Variants in ZC3H14 observed in about 807,000 individuals in gnomAD.
ZC3H14 encodes the protein zinc finger CCCH-type containing 14, also known as zinc finger CCCH domain-containing protein 14.
Under a neutral mutation model 92.4 loss-of-function variants are expected in ZC3H14, and 31 were observed. The ratio of observed to expected loss-of-function variants is 0.34; its 90% confidence interval spans 0.25 to 0.45. The LOEUF (loss-of-function observed/expected upper bound fraction) is 0.45, where lower values mean the gene tolerates loss of function less well. Among genes scored for constraint, ZC3H14 ranks in the 20% least tolerant of loss-of-function variants. ZC3H14 has a pLI of 1.00. For missense variants in ZC3H14, 781 were observed against 897.3 expected (o/e 0.87, Z 1.66); for synonymous variants, 321 against 300.9 (o/e 1.07, Z -0.69).
intron 13 of ZC3H14, chr14:88,608,556 G>C (rs2086000494): frequency 1.2e-5 from 3 of 246,820 alleles, no homozygotes; most frequent in Middle Eastern, 1.4e-3. Flanking sequence ...GGCTTTGTTT[G>C]TGCCTCGGAC....
Position 88,615,707 on chromosome 14 carries a change from C to T in ZC3H14, c.*3956C>T. The T allele has an allele frequency of 1.0e-6, 1 of 958,310 alleles. No individual in the cohort carries two copies. The highest frequency in any genetic ancestry group is 1.6e-6 in the Non-Finnish European group (1 of 636,654). The allele number at this position is 958,310 out of a possible 1,614,324, so 59.4% of individuals were successfully genotyped here. A position where few individuals can be genotyped will look rare whatever the true frequency, so the allele number is the denominator to read the frequency against. On this transcript the variant is annotated 3_prime_UTR_variant, in exon 17 of 17. Transcript: ENST00000251038. ...TATTTTGATGATTCTGGGCATTTCT[C>T]CCTGTTACAGTCTTGGGTTAGCACC...
chr14:88,626,327 A>G lies in ZC3H14; in HGVS notation c.*14576A>G. 1 of 154,074 alleles carries G rather than the reference A, an allele frequency of 6.5e-6. No individual in the cohort carries two copies. The highest frequency in any genetic ancestry group is 1.4e-5 in the Non-Finnish European group (1 of 69,094). The allele number at this position is 154,074 out of a possible 1,614,324, so 9.5% of individuals were successfully genotyped here. On this transcript the variant is annotated 3_prime_UTR_variant, in exon 17 of 17. Transcript: ENST00000251038. Reference sequence around the variant, plus strand: ...GTATAACAGTAGTCCAAGGAATCAAATGTTCATCAGAATCCTTATTATGGT... The same window carrying G: ...GTATAACAGTAGTCCAAGGAATCAAGTGTTCATCAGAATCCTTATTATGGT...
rs1228885862 is a variant in ZC3H14 at position 88,626,861 on chromosome 14, T to G, written c.*15110T>G. 6.2e-7 allele frequency: 1 copy of G among 1,613,836 alleles called. No homozygotes were observed. The highest frequency in any genetic ancestry group is 1.3e-5 in the African/African-American group (1 of 74,924). Reference sequence around the variant, plus strand: ...ACTGCACCAAATGCAATAGCGAGCATGGTCTGCATCCGGGCATCTTCCAGT... The same window carrying G: ...ACTGCACCAAATGCAATAGCGAGCAGGGTCTGCATCCGGGCATCTTCCAGT... On this transcript the variant is annotated 3_prime_UTR_variant, in exon 17 of 17. Transcript: ENST00000251038.
intron 9 of ZC3H14, among the ~76,000 whole-genome samples, chr14:88,588,954 T>TA (rs1382938326): frequency 6.6e-6 from 1 of 152,240 alleles, no homozygotes; most frequent in Non-Finnish European, 1.5e-5. Context: ...ACTTTGTGGA[T>TA]ACAGAATCAT....
intron 1 of ZC3H14, 27 bp from the exon 2 acceptor site, chr14:88,563,624 C>T (rs2079175478): frequency 1.2e-6 from 2 of 1,613,662 alleles, no homozygotes; most frequent in South Asian, 2.2e-5. Context: ...GCCTTTCTCA[C>T]ATGCACGTTT....
chr14:88,606,202 G>A (rs543120419), intron 12 of ZC3H14, among the ~76,000 whole-genome samples: 5 of 152,202 alleles, frequency 3.3e-5, no homozygotes, highest in African/African-American at 1.2e-4. Context: ...TTACAATTTC[G>A]ATGAAGGCAG....
In ZC3H14 at chr14:88,627,395, G is replaced by A. The variant is rs1166819742; in HGVS notation, c.*15644G>A. 7 of 483,476 alleles carry A rather than the reference G, an allele frequency of 1.4e-5. No homozygotes were observed. The highest frequency in any genetic ancestry group is 1.4e-4 in the East Asian group (4 of 28,468). 29.9% of individuals were successfully genotyped at this position (483,476 alleles called of 1,614,324 possible). A position where few individuals can be genotyped will look rare whatever the true frequency, so the allele number is the denominator to read the frequency against. On this transcript the variant is annotated 3_prime_UTR_variant, in exon 17 of 17. Coordinates refer to ENST00000251038, the MANE Select transcript of ZC3H14 (RefSeq NM_024824.5). ...AATAATAAATACATAGTTTCTTGCT[G>A]GAAGAAAATAGCAGTGAATCATTTA...
At position 88,577,889 on chromosome 14, in the gene ZC3H14, C is replaced by A. The variant is rs567364782; in HGVS notation, c.1124-96C>A. The A allele has an allele frequency of 1.2e-5, 18 of 1,526,696 alleles. No individual in the cohort carries two copies. In the South Asian group the frequency reaches 1.7e-4, roughly 14 times the overall value. 94.6% of individuals were successfully genotyped at this position (1,526,696 alleles called of 1,614,324 possible). On this transcript the variant is annotated intron_variant, in intron 8 of 16. Coordinates refer to ENST00000251038, the MANE Select transcript of ZC3H14 (RefSeq NM_024824.5). The stretch of plus-strand genomic sequence containing the variant: ...CAGCCTGAACTCATATGTCCTAAAC[C>A]AAAGGAGGCATTTATATTTAATATG...
Position 88,616,000 on chromosome 14 carries a change from G to C in ZC3H14, c.*4249G>C. Reference sequence around the variant, plus strand: ...TTATTCTGTATTTGCATAAATATGAGATTCTGAAGAGCCATCTGGTTATAC... The same window carrying C: ...TTATTCTGTATTTGCATAAATATGACATTCTGAAGAGCCATCTGGTTATAC... On this transcript the variant is annotated 3_prime_UTR_variant, in exon 17 of 17. Transcript: ENST00000251038. 1 of 1,259,808 alleles carries C rather than the reference G, an allele frequency of 7.9e-7. No homozygotes were observed. Among genetic ancestry groups the C allele is most frequent in the Non-Finnish European group, 1.1e-6 (1 of 892,644 alleles). 78.0% of individuals were successfully genotyped at this position (1,259,808 alleles called of 1,614,324 possible). A position where few individuals can be genotyped will look rare whatever the true frequency, so the allele number is the denominator to read the frequency against.
Position 88,616,813 on chromosome 14 carries a change from G to A in ZC3H14, c.*5062G>A, listed in dbSNP as rs377183047. ...GACTGATTCCTGAATGAGATACACA[G>A]GCACAGTTGACATCAGCTTTCTCAG... On this transcript the variant is annotated 3_prime_UTR_variant, in exon 17 of 17. Coordinates refer to ENST00000251038, the MANE Select transcript of ZC3H14 (RefSeq NM_024824.5). 17 of 1,613,848 alleles carry A rather than the reference G, an allele frequency of 1.1e-5. 1 individual carries two copies. Among genetic ancestry groups the A allele is most frequent in the Admixed American group, 3.3e-5 (2 of 60,012 alleles).
chr14:88,602,203 T>G (rs751395571), intron 11 of ZC3H14, 120 bp downstream of exon 11: 3 of 1,357,282 alleles, frequency 2.2e-6, no homozygotes, highest in Non-Finnish European at 3.1e-6. Context: ...TTTCATTGAT[T>G]CAGTAGCTAG....
chr14:88,608,361 T>G, intron 13 of ZC3H14: 1 of 466,078 alleles, frequency 2.1e-6, no homozygotes, highest in Non-Finnish European at 4.3e-6. Context: ...CATCTCACCC[T>G]GCAAGTCATA....
At chr14:88,606,837 G>A (rs1416531253) in intron 12 of ZC3H14, among the ~76,000 whole-genome samples, 1 of 150,928 alleles carries the variant, frequency 6.6e-6, no homozygotes, top group Non-Finnish European at 1.5e-5. Flanking sequence ...TTTTGTATTT[G>A]GGCCACTCAT....
rs1407103442 is a variant in ZC3H14 at position 88,622,064 on chromosome 14, A to G, written c.*10313A>G. On this transcript the variant is annotated 3_prime_UTR_variant, in exon 17 of 17. Coordinates refer to ENST00000251038, the MANE Select transcript of ZC3H14 (RefSeq NM_024824.5). ...CCCTTGTCCGCCTCCAGTAACCACT[A>G]TTCTACTCTCCACCTCTGTGGGATC... 2 of 303,680 alleles carry G rather than the reference A, an allele frequency of 6.6e-6. No homozygotes were observed. The highest frequency in any genetic ancestry group is 5.6e-5 in the South Asian group (2 of 35,592). The allele number at this position is 303,680 out of a possible 1,614,324, so 18.8% of individuals were successfully genotyped here. A position where few individuals can be genotyped will look rare whatever the true frequency, so the allele number is the denominator to read the frequency against.
intron 8 of ZC3H14, among the ~76,000 whole-genome samples, chr14:88,576,610 G>T (rs2081190826): frequency 6.6e-6 from 1 of 152,182 alleles, no homozygotes; most frequent in African/African-American, 2.4e-5. Context: ...TGGCCGACCT[G>T]TTGTAGCCAA....
intron 15 of ZC3H14, 131 bp from the exon 16 acceptor site, chr14:88,610,703 C>A: frequency 3.5e-6 from 3 of 847,858 alleles, no homozygotes; most frequent in Non-Finnish European, 5.8e-6. Context: ...ACTCGGGAGA[C>A]TGAGGCAAGA....
Position 88,623,797 on chromosome 14 carries a change from T to C in ZC3H14, c.*12046T>C, listed in dbSNP as rs1411814536. The C allele has an allele frequency of 6.6e-6, 1 of 152,210 alleles. No individual in the cohort carries two copies. Among genetic ancestry groups the C allele is most frequent in the African/African-American group, 2.4e-5 (1 of 41,454 alleles). 9.4% of individuals were successfully genotyped at this position (152,210 alleles called of 1,614,324 possible). A position where few individuals can be genotyped will look rare whatever the true frequency, so the allele number is the denominator to read the frequency against. On this transcript the variant is annotated 3_prime_UTR_variant, in exon 17 of 17. Transcript: ENST00000251038. ...ATCTCACTGGAACAGTTTAGCAGGC[T>C]TCTAGTGAGTGGGGGTGTGCAGGAG...
chr14:88,594,117 G>C (rs566948245), intron 9 of ZC3H14, among the ~76,000 whole-genome samples: 1 of 152,032 alleles, frequency 6.6e-6, no homozygotes, highest in Non-Finnish European at 1.5e-5. Context: ...CAGAGGATTT[G>C]TCACTCTCAA....
Position 88,587,275 on chromosome 14 carries a change from G to A in ZC3H14, c.1279+9135G>A, listed in dbSNP as rs1418488321. On this transcript the variant is annotated intron_variant, in intron 9 of 16. Transcript: ENST00000251038. ...CCTCCTGGGTTTAAGTGATTCTCCT[G>A]CCTCAGCCTCCTTAGTAGCTTGGGA... Among the ~76,000 whole-genome samples the A allele has an allele frequency of 2.6e-5, 4 of 151,648 alleles. 1 individual carries two copies. The Middle Eastern group carries it at 0.014, about 516-fold the overall frequency.
Sources: gnomAD v4.1 joint callset for allele counts (sites outside exome capture counted in the v4.1 genomes callset) on GRCh38, gnomAD v4.1.1 for gene constraint, MANE v1.5 for transcripts, NCBI Gene and HGNC (gene_info 2026-07-23, HGNC 2026-07-21) for gene names.